Variants in FAM20C observed in about 807,000 individuals in gnomAD.
FAM20C encodes extracellular serine/threonine protein kinase FAM20C.
A neutral mutation model predicts 51.5 loss-of-function variants in FAM20C; 40 were observed. The ratio of observed to expected loss-of-function variants is 0.78; its 90% CI spans 0.60 to 1.01. FAM20C has a LOEUF of 1.01. Ranked by LOEUF, FAM20C falls within the 50% of genes least tolerant of loss-of-function variation. The pLI is 0.00. For missense variants in FAM20C, 861 were observed against 844.7 expected, an observed-to-expected ratio of 1.02 and a Z score of -0.24; for synonymous variants, 406 against 380.6, an observed-to-expected ratio of 1.07 and a Z score of -0.78.
intron 2 of FAM20C, among the ~76,000 whole-genome samples, chr7:207,150 C>G (rs371967821): frequency 0.026 from 257 of 9,854 alleles, 43 homozygotes; most frequent in Non-Finnish European, 0.039. Context: ...CTGTCCCCTC[C>G]GCCCTGCACA....
chr7:237,845 T>TGATG (rs1583323562), intron 3 of FAM20C, among the ~76,000 whole-genome samples: 24 of 762 alleles, frequency 0.031, no homozygotes, highest in South Asian at 0.067. Flanking sequence ...ATAGTGATGA[T>TGATG]GNNNNNNNNN....
chr7:202,049 G>C (rs1194769622), intron 2 of FAM20C, among the ~76,000 whole-genome samples: 1 of 152,258 alleles, frequency 6.6e-6, no homozygotes, highest in Non-Finnish European at 1.5e-5. Flanking sequence ...CGAGGCCGGG[G>C]AAGAAGCAGA....
chr7:210,246 ACTTC>A (rs1466115590), intron 3 of FAM20C, among the ~76,000 whole-genome samples: 2 of 152,008 alleles, frequency 1.3e-5, no homozygotes, highest in Admixed American at 6.5e-5. Flanking sequence ...GATCACAAGC[ACTTC>A]CTTCCCCGTT....
intron 1 of FAM20C, among the ~76,000 whole-genome samples, chr7:194,915 G>A (rs921526782): frequency 3.3e-5 from 5 of 152,218 alleles, no homozygotes; most frequent in African/African-American, 1.2e-4. Context: ...CCTCCAGAAC[G>A]GTCCCTTGAC....
At chr7:259,574 GTGTATGTC>G (rs1788798732) in intron 9 of FAM20C, among the ~76,000 whole-genome samples, 149 bp from the exon 10 acceptor site, 8 of 121,874 alleles carry the variant, frequency 6.6e-5, no homozygotes, top group African/African-American at 1.0e-4. Context: ...CTCTTTCTCT[GTGTATGTC>G]TCTGTCTTTT....
chr7:201,550 T>C (rs1786127977), intron 2 of FAM20C, among the ~76,000 whole-genome samples: 1 of 152,216 alleles, frequency 6.6e-6, no homozygotes, highest in African/African-American at 2.4e-5. Flanking sequence ...TCCCTGTCTC[T>C]CCAGACCTGC....
chr7:192,577 C>A lies in FAM20C; in HGVS notation c.-623C>A, dbSNP rs1464565339. 2.0e-5 allele frequency among the ~76,000 whole-genome samples: 3 copies of A among 151,056 alleles called. No homozygotes were observed. In the East Asian group the frequency reaches 5.9e-4, roughly 30 times the overall value. On this transcript the variant is annotated 5_prime_UTR_variant, in exon 1 of 10. Coordinates refer to ENST00000313766, the MANE Select transcript of FAM20C (RefSeq NM_020223.4). Reference sequence around the variant, plus strand: ...GCCCGGGACGCGGGGCGCCGAGAGGCTCGGCCAGGCGGGAGCTGCGCTCGG... The same window carrying A: ...GCCCGGGACGCGGGGCGCCGAGAGGATCGGCCAGGCGGGAGCTGCGCTCGG...
intron 3 of FAM20C, among the ~76,000 whole-genome samples, chr7:235,983 C>G (rs1433881250): frequency 6.6e-6 from 1 of 152,244 alleles, no homozygotes; most frequent in Non-Finnish European, 1.5e-5. Flanking sequence ...ATTTCAAACC[C>G]TGACTCCTGG....
At chr7:226,233 T>C (rs1787439468) in intron 3 of FAM20C, among the ~76,000 whole-genome samples, 1 of 152,046 alleles carries the variant, frequency 6.6e-6, no homozygotes, top group South Asian at 2.1e-4. Context: ...GCACCCCATG[T>C]CCCACCACAG....
Position 193,549 on chromosome 7 carries a change from C to T in FAM20C, c.350C>T (p.Ala117Val). ...AAACTGCCGCCCGCGGCCGAGCCGG[C>T]CGAGCGCGCCTTGCGGGGGCGGGAT... ...LEKLPPAAEP[A>V]ERALRGRDPG... Residue 117 changes from alanine (A) to valine (V), a missense_variant, in exon 1 of 10, where the codon GCC becomes GTC. Transcript: ENST00000313766. The T allele has an allele frequency of 6.7e-7, 1 of 1,495,150 alleles. No homozygotes were observed. Among genetic ancestry groups the T allele is most frequent in the East Asian group, 2.9e-5 (1 of 34,794 alleles). The allele number at this position is 1,495,150 out of a possible 1,614,324, so 92.6% of individuals were successfully genotyped here.
chr7:242,959 G>A lies in FAM20C; in HGVS notation c.864-3456G>A, dbSNP rs886564939. ...TACCTACAAGAAACCTGTGCCACCCGGGATACCTGTGCCACCCGGGATACC... is the reference window on the plus strand; with the variant it reads ...TACCTACAAGAAACCTGTGCCACCCAGGATACCTGTGCCACCCGGGATACC... On this transcript the variant is annotated intron_variant, in intron 3 of 9. Coordinates refer to ENST00000313766, the MANE Select transcript of FAM20C (RefSeq NM_020223.4). Among the ~76,000 whole-genome samples the A allele has an allele frequency of 1.3e-4, 19 of 151,066 alleles. No homozygotes were observed. In the East Asian group the frequency reaches 1.8e-3, roughly 14 times the overall value.
At chr7:251,641 G>A (rs1326565868) in intron 5 of FAM20C, among the ~76,000 whole-genome samples, 6 of 152,288 alleles carry the variant, frequency 3.9e-5, no homozygotes, top group South Asian at 4.1e-4. Flanking sequence ...GGTGGTCACC[G>A]GAGTGCCCCT....
At chr7:194,536 A>AG (rs531816787) in intron 1 of FAM20C, among the ~76,000 whole-genome samples, 9 of 152,196 alleles carry the variant, frequency 5.9e-5, no homozygotes, top group African/African-American at 1.7e-4. Flanking sequence ...CCAGCAGCAG[A>AG]GGGGGAGACC....
chr7:223,206 T>A (rs1787318753), intron 3 of FAM20C, among the ~76,000 whole-genome samples: 2 of 152,086 alleles, frequency 1.3e-5, no homozygotes, highest in African/African-American at 4.8e-5. Flanking sequence ...CTCCCTTCTG[T>A]CCAAAGCCTG....
chr7:200,624 A>T (rs2115049793), intron 2 of FAM20C, among the ~76,000 whole-genome samples: 1 of 152,338 alleles, frequency 6.6e-6, no homozygotes, highest in South Asian at 2.1e-4. Flanking sequence ...CCACTGGGGC[A>T]AGGCTGCAGT....
intron 3 of FAM20C, among the ~76,000 whole-genome samples, chr7:212,293 T>C (rs1382481920): frequency 1.3e-5 from 2 of 152,168 alleles, no homozygotes; most frequent in Non-Finnish European, 2.9e-5. Context: ...TGAAACCCCA[T>C]CTCTACTAAA....
At chr7:256,856 C>A in intron 7 of FAM20C, 93 bp downstream of exon 7, 6 of 1,434,396 alleles carry the variant, frequency 4.2e-6, no homozygotes, top group Non-Finnish European at 5.7e-6. Context: ...CGTGGCACGG[C>A]CCGGCTGCGG....
At chr7:259,436 C>T (rs978267163) in intron 9 of FAM20C, among the ~76,000 whole-genome samples, 2 of 43,318 alleles carry the variant, frequency 4.6e-5, no homozygotes, top group South Asian at 1.2e-3. Flanking sequence ...TCTCTGCCGT[C>T]TCTATCTGTG....
At chr7:255,431 T>C (rs1392310502) in intron 5 of FAM20C, among the ~76,000 whole-genome samples, 2 of 152,230 alleles carry the variant, frequency 1.3e-5, no homozygotes, top group East Asian at 3.8e-4. Flanking sequence ...TTTTGTCTTT[T>C]TGTGATTGAG....
Sources: allele counts gnomAD v4.1 joint callset (sites outside exome capture counted in the v4.1 genomes callset), GRCh38; gene constraint gnomAD v4.1.1; transcripts MANE v1.5; gene names NCBI Gene and HGNC (gene_info 2026-07-23, HGNC 2026-07-21).